The following IRAK4 variants were observed in gnomAD, a reference collection of about 807,000 sequenced individuals.
The protein encoded by IRAK4 is interleukin 1 receptor associated kinase 4.
IRAK4 carries 44 observed loss-of-function variants against 51.8 expected under a neutral mutation model. The ratio of observed to expected loss-of-function variants is 0.85; its 90% CI spans 0.67 to 1.09. IRAK4 has a LOEUF of 1.09. IRAK4 is among the 50% of genes least tolerant of loss of function. The probability of loss-of-function intolerance (pLI) is 0.00; values close to 1 mark genes in which losing one functional copy is unlikely to be tolerated. For missense variants in IRAK4, 487 were observed against 538.0 expected, an observed-to-expected ratio of 0.91 and a Z score of 0.94; for synonymous variants, 149 against 174.1, an observed-to-expected ratio of 0.86 and a Z score of 1.13.
chr12:43,763,856 T>C (rs1939833705), intron 1 of IRAK4, among the ~76,000 whole-genome samples: 1 of 152,182 alleles, frequency 6.6e-6, no homozygotes, highest in Non-Finnish European at 1.5e-5. Context: ...GTCTAACATA[T>C]CCATCAGTGT....
chr12:43,769,193 T>A (rs1940488225), intron 2 of IRAK4, among the ~76,000 whole-genome samples: 1 of 152,196 alleles, frequency 6.6e-6, no homozygotes. Context: ...AAAAAGCTTT[T>A]CTTTACAGAA....
At position 43,787,571 on chromosome 12, in the gene IRAK4, A is replaced by T. The variant is rs1313431799; in HGVS notation, c.*856A>T. ...CCAGTTGTCAGCAAGCAGGAAAAAA[A>T]AATTGGGACCTCAGTTGCAACCACA... On this transcript the variant is annotated 3_prime_UTR_variant, in exon 12 of 12. Transcript: ENST00000613694. 6.6e-6 allele frequency: 1 copy of T among 152,218 alleles called. No homozygotes were observed. The highest frequency in any genetic ancestry group is 1.5e-5 in the Non-Finnish European group (1 of 68,064). The allele number at this position is 152,218 out of a possible 1,614,324, so 9.4% of individuals were successfully genotyped here.
intron 1 of IRAK4, among the ~76,000 whole-genome samples, chr12:43,762,114 C>A (rs968619560): frequency 6.6e-6 from 1 of 152,132 alleles, no homozygotes; most frequent in Admixed American, 6.5e-5. Context: ...TCATAAAAGT[C>A]ATCACCAAGG....
chr12:43,775,441 A>G (rs1941175398), intron 6 of IRAK4, among the ~76,000 whole-genome samples: 1 of 152,226 alleles, frequency 6.6e-6, no homozygotes, highest in Non-Finnish European at 1.5e-5. Context: ...CCGGAACTTA[A>G]TAATACAAAC....
intron 3 of IRAK4, among the ~76,000 whole-genome samples, chr12:43,771,749 T>C (rs1940788186): frequency 6.6e-6 from 1 of 152,258 alleles, no homozygotes; most frequent in Admixed American, 6.5e-5. Flanking sequence ...GATGTGGTAG[T>C]GTCTAGTTGC....
intron 2 of IRAK4, among the ~76,000 whole-genome samples, chr12:43,769,493 C>G (rs1471558784): frequency 1.3e-5 from 2 of 152,038 alleles, no homozygotes; most frequent in East Asian, 3.9e-4. Flanking sequence ...AACCCCATCA[C>G]TACAAAAAAT....
chr12:43,772,873 T>G, intron 4 of IRAK4, 39 bp from the exon 5 acceptor site: 3 of 1,446,766 alleles, frequency 2.1e-6, no homozygotes, highest in Non-Finnish European at 2.9e-6. Flanking sequence ...TTAAAACGAA[T>G]TTTTAAAATT....
At chr12:43,777,173 T>C (rs1481449833) in intron 6 of IRAK4, among the ~76,000 whole-genome samples, 1 of 152,190 alleles carries the variant, frequency 6.6e-6, no homozygotes, top group Non-Finnish European at 1.5e-5. Context: ...GTAGGAGCAC[T>C]TGAGGCCAGC....
At position 43,786,335 on chromosome 12, in the gene IRAK4, A is replaced by G. The variant is rs1471248391; in HGVS notation, c.1189-64A>G. 4.0e-6 allele frequency: 4 copies of G among 990,400 alleles called. No homozygotes were observed. In the Admixed American group the frequency reaches 1.1e-4, roughly 28 times the overall value. 61.4% of individuals were successfully genotyped at this position (990,400 alleles called of 1,614,324 possible). Reference sequence around the variant, plus strand: ...AAGTAGATTAATTTAAATAATTAAAATATATATTCTATTTTCTTTCACTAT... The same window carrying G: ...AAGTAGATTAATTTAAATAATTAAAGTATATATTCTATTTTCTTTCACTAT... On this transcript the variant is annotated intron_variant, in intron 10 of 11. Coordinates refer to ENST00000613694, the MANE Select transcript of IRAK4 (RefSeq NM_016123.4).
intron 1 of IRAK4, among the ~76,000 whole-genome samples, chr12:43,761,410 T>C (rs915690851): frequency 6.6e-6 from 1 of 152,186 alleles, no homozygotes; most frequent in African/African-American, 2.4e-5. Context: ...TCTGCACATA[T>C]CTTTAAAAAT....
intron 6 of IRAK4, among the ~76,000 whole-genome samples, chr12:43,774,719 T>C (rs1941113284): frequency 6.6e-6 from 1 of 152,080 alleles, no homozygotes; most frequent in South Asian, 2.1e-4. Context: ...GCAACTAGAG[T>C]CATGTTATCT....
intron 8 of IRAK4, among the ~76,000 whole-genome samples, chr12:43,780,694 C>A (rs984899288): frequency 6.6e-6 from 1 of 151,882 alleles, no homozygotes; most frequent in Non-Finnish European, 1.5e-5. Context: ...GCCTCAGCCT[C>A]CTGAGTAGCT....
chr12:43,769,005 C>T (rs1398097257), intron 2 of IRAK4, among the ~76,000 whole-genome samples: 4 of 152,050 alleles, frequency 2.6e-5, no homozygotes, highest in African/African-American at 9.7e-5. Flanking sequence ...ATAAGAAGAG[C>T]GAACATGTTA....
chr12:43,770,098 A>C (rs528795398), intron 2 of IRAK4, among the ~76,000 whole-genome samples: 8 of 152,236 alleles, frequency 5.3e-5, no homozygotes, highest in Non-Finnish European at 1.0e-4. Context: ...AATTTTTAAA[A>C]ATAAAATCTT....
intron 8 of IRAK4, among the ~76,000 whole-genome samples, chr12:43,779,517 G>A (rs1218517272): frequency 6.6e-6 from 1 of 152,178 alleles, no homozygotes; most frequent in African/African-American, 2.4e-5. Flanking sequence ...GAGGCAGTTA[G>A]TAGGCTATCA....
chr12:43,766,847 C>T lies in IRAK4; in HGVS notation c.-9-1256C>T, dbSNP rs538859241. 1.4e-4 allele frequency among the ~76,000 whole-genome samples: 21 copies of T among 152,230 alleles called. 1 individual carries two copies. In the South Asian group the frequency reaches 4.4e-3, roughly 32 times the overall value. On this transcript the variant is annotated intron_variant, in intron 1 of 11. Transcript: ENST00000613694. ...ATTCATGAATAAAATTAGCATGGTCCTGAACTCATGGATCTTAAAATCGAA... is the reference window on the plus strand; with the variant it reads ...ATTCATGAATAAAATTAGCATGGTCTTGAACTCATGGATCTTAAAATCGAA...
In IRAK4 at chr12:43,766,870, G is replaced by A. The variant is rs991100666; in HGVS notation, c.-9-1233G>A. Among the ~76,000 whole-genome samples, 3 of 152,212 alleles carry A rather than the reference G, an allele frequency of 2.0e-5. No homozygotes were observed. The South Asian group carries it at 6.2e-4, about 32-fold the overall frequency. On this transcript the variant is annotated intron_variant, in intron 1 of 11. Coordinates refer to ENST00000613694, the MANE Select transcript of IRAK4 (RefSeq NM_016123.4). ...TCCTGAACTCATGGATCTTAAAATCGAATATGGGAGACAGTAAACAGGTAA... is the reference window on the plus strand; with the variant it reads ...TCCTGAACTCATGGATCTTAAAATCAAATATGGGAGACAGTAAACAGGTAA...
chr12:43,770,260 G>A lies in IRAK4; in HGVS notation c.162-960G>A, dbSNP rs4251464. Among the ~76,000 whole-genome samples the A allele has an allele frequency of 8.2e-3, 1,241 of 152,182 alleles. 19 individuals are homozygous for A. Among genetic ancestry groups the A allele is most frequent in the African/African-American group, 0.028 (1,160 of 41,506 alleles). ...AATTGAATTACAGTTAAGATCAAAG[G>A]AATAATTTCCTAAGTTTTTGTGTGT... On this transcript the variant is annotated intron_variant, in intron 2 of 11. Coordinates refer to ENST00000613694, the MANE Select transcript of IRAK4 (RefSeq NM_016123.4).
At chr12:43,766,097 C>T (rs1940117219) in intron 1 of IRAK4, among the ~76,000 whole-genome samples, 1 of 152,082 alleles carries the variant, frequency 6.6e-6, no homozygotes, top group Admixed American at 6.6e-5. Context: ...TTTAACATCC[C>T]TCCTAAAAAT....
Sources: gnomAD v4.1 joint callset for allele counts (sites outside exome capture counted in the v4.1 genomes callset) on GRCh38, gnomAD v4.1.1 for gene constraint, MANE v1.5 for transcripts, NCBI Gene and HGNC (gene_info 2026-07-23, HGNC 2026-07-21) for gene names.